ASXL3: variants seen among roughly 807,000 people sequenced by gnomAD.
The protein encoded by ASXL3 is ASXL transcriptional regulator 3.
In ASXL3, 34 loss-of-function variants were observed where a neutral mutation model predicts 170.6. The ratio of observed to expected loss-of-function variants is 0.20; its 90% CI spans 0.15 to 0.27. The LOEUF (loss-of-function observed/expected upper bound fraction) is 0.27. ASXL3 is among the 10% of genes least tolerant of loss of function. The probability of loss-of-function intolerance (pLI) is 1.00; values close to 1 mark genes in which losing one functional copy is unlikely to be tolerated. For synonymous variants in ASXL3, 1,002 were observed against 989.1 expected, an observed-to-expected ratio of 1.01 and a Z score of -0.24; for missense variants, 2,592 against 2,695.3, an observed-to-expected ratio of 0.96 and a Z score of 0.85.
In ASXL3 at chr18:33,750,172, A is replaced by G. The variant is rs2067862420; in HGVS notation, c.*3577A>G. 1.3e-5 allele frequency: 2 copies of G among 152,216 alleles called. No individual in the cohort carries two copies. Among genetic ancestry groups the G allele is most frequent in the Non-Finnish European group, 1.5e-5 (1 of 68,040 alleles). 9.4% of individuals were successfully genotyped at this position (152,216 alleles called of 1,614,324 possible). On this transcript the variant is annotated 3_prime_UTR_variant, in exon 12 of 12. Coordinates refer to ENST00000269197, the MANE Select transcript of ASXL3 (RefSeq NM_030632.3). ...TGTCCATCTGCGTTCCCAGAGAACA[A>G]TTGTGAAGAGTCCTAGAACAGGAAC... is the stretch of plus-strand genomic sequence containing the variant.
intron 2 of ASXL3, among the ~76,000 whole-genome samples, chr18:33,621,626 G>A (rs1352394262): frequency 6.6e-6 from 1 of 152,154 alleles, no homozygotes; most frequent in Non-Finnish European, 1.5e-5. Context: ...AAAGAACAAG[G>A]AAGGGACTGT....
intron 1 of ASXL3, among the ~76,000 whole-genome samples, chr18:33,607,314 A>G (rs533238224): frequency 6.6e-6 from 1 of 152,052 alleles, no homozygotes; most frequent in African/African-American, 2.4e-5. Flanking sequence ...AATTATATAC[A>G]TTTGTTAACT....
rs1317598262 is a variant in ASXL3, at chr18:33,748,771, G to GTGTC, written c.*2177_*2180dup. ...TCCAAATTCATTCACTGCTATACCAGTGTCAGATACTGTCTACACCAGCAA... is the reference window on the plus strand; with the variant it reads ...TCCAAATTCATTCACTGCTATACCAGTGTCTGTCAGATACTGTCTACACCAGCAA... On this transcript the variant is annotated 3_prime_UTR_variant, in exon 12 of 12. Coordinates refer to ENST00000269197, the MANE Select transcript of ASXL3 (RefSeq NM_030632.3). The GTGTC allele has an allele frequency of 6.6e-6, 1 of 152,182 alleles. No individual in the cohort carries two copies. Among genetic ancestry groups the GTGTC allele is most frequent in the Admixed American group, 6.5e-5 (1 of 15,278 alleles). The allele number at this position is 152,182 out of a possible 1,614,324, so 9.4% of individuals were successfully genotyped here.
intron 8 of ASXL3, among the ~76,000 whole-genome samples, chr18:33,685,733 G>A (rs933899490): frequency 2.6e-5 from 4 of 152,192 alleles, no homozygotes; most frequent in South Asian, 2.1e-4. Flanking sequence ...GGTAGAAGGT[G>A]AAGTCATGTC....
At chr18:33,627,617 T>C (rs1172399941) in intron 2 of ASXL3, among the ~76,000 whole-genome samples, 2 of 152,134 alleles carry the variant, frequency 1.3e-5, no homozygotes, top group African/African-American at 4.8e-5. Context: ...ATGACATTAA[T>C]AAATATTCTT....
At chr18:33,675,406 G>GTTT (rs141135113) in intron 7 of ASXL3, among the ~76,000 whole-genome samples, 1 of 152,124 alleles carries the variant, frequency 6.6e-6, no homozygotes, top group African/African-American at 2.4e-5. Flanking sequence ...TGGAAATGAG[G>GTTT]TTTTTTACTG....
intron 5 of ASXL3, among the ~76,000 whole-genome samples, 191 bp downstream of exon 5, chr18:33,661,928 A>T (rs1485915911): frequency 6.6e-6 from 1 of 152,092 alleles, no homozygotes; most frequent in Non-Finnish European, 1.5e-5. Flanking sequence ...TTGACTGAGA[A>T]CTTTGATGTA....
intron 8 of ASXL3, among the ~76,000 whole-genome samples, chr18:33,712,964 C>T (rs1424687336): frequency 1.3e-5 from 2 of 152,122 alleles, no homozygotes; most frequent in Non-Finnish European, 2.9e-5. Flanking sequence ...TGCACTCCTT[C>T]TCAGTGGTTG....
At chr18:33,578,716 C>T (rs2064967161) in intron 1 of ASXL3, 31 bp downstream of exon 1, 1 of 1,188,422 alleles carries the variant, frequency 8.4e-7, no homozygotes, top group Non-Finnish European at 1.1e-6. Context: ...GCCGCCCGCG[C>T]CTCCCGCCGG....
At chr18:33,584,994 G>C (rs1308579814) in intron 1 of ASXL3, among the ~76,000 whole-genome samples, 4 of 151,062 alleles carry the variant, frequency 2.6e-5, no homozygotes, top group Admixed American at 6.6e-5. Flanking sequence ...GAATTTAATT[G>C]ATCTGTTACA....
In ASXL3 at chr18:33,578,352, C is replaced by A. The variant is rs2064959980; in HGVS notation, c.-280C>A. ...CCGCCCCCGCCCCTGGCCCGGGCCCCGCTGCTGCCGCCGCCCCCGCCCCCG... is the reference window on the plus strand; with the variant it reads ...CCGCCCCCGCCCCTGGCCCGGGCCCAGCTGCTGCCGCCGCCCCCGCCCCCG... On this transcript the variant is annotated 5_prime_UTR_variant, in exon 1 of 12. Transcript: ENST00000269197. 1 of 132,634 alleles carries A rather than the reference C, an allele frequency of 7.5e-6. No homozygotes were observed. The highest frequency in any genetic ancestry group is 7.3e-5 in the Admixed American group (1 of 13,636). The allele number at this position is 132,634 out of a possible 1,614,324, so 8.2% of individuals were successfully genotyped here.
At chr18:33,685,050 G>A (rs1274340063) in intron 8 of ASXL3, among the ~76,000 whole-genome samples, 1 of 152,136 alleles carries the variant, frequency 6.6e-6, no homozygotes, top group Non-Finnish European at 1.5e-5. Flanking sequence ...AGTCTGAATG[G>A]TGTTCTCCCT....
rs1477436159 is a variant in ASXL3 at position 33,747,285 on chromosome 18, A to G, written c.*690A>G. The G allele has an allele frequency of 2.0e-5, 3 of 152,112 alleles. No individual in the cohort carries two copies. The highest frequency in any genetic ancestry group is 4.1e-4 in the South Asian group (2 of 4,824). 9.4% of individuals were successfully genotyped at this position (152,112 alleles called of 1,614,324 possible). A position where few individuals can be genotyped will look rare whatever the true frequency, so the allele number is the denominator to read the frequency against. ...AAATGTGTCCTACATCTGAAATTGCATGGGACTCATGCCCAGCAATCTGGT... is the reference window on the plus strand; with the variant it reads ...AAATGTGTCCTACATCTGAAATTGCGTGGGACTCATGCCCAGCAATCTGGT... On this transcript the variant is annotated 3_prime_UTR_variant, in exon 12 of 12. Coordinates refer to ENST00000269197, the MANE Select transcript of ASXL3 (RefSeq NM_030632.3).
At chr18:33,619,157 TTCA>T (rs1451396194) in intron 2 of ASXL3, among the ~76,000 whole-genome samples, 1 of 152,120 alleles carries the variant, frequency 6.6e-6, no homozygotes, top group Non-Finnish European at 1.5e-5. Flanking sequence ...TTTGAAAAAG[TTCA>T]TCAAGCTAGA....
At chr18:33,709,975 GC>G in intron 8 of ASXL3, among the ~76,000 whole-genome samples, 1 of 152,286 alleles carries the variant, frequency 6.6e-6, no homozygotes, top group South Asian at 2.1e-4. Context: ...TGACTGATGG[GC>G]CGGGTGCGGT....
At chr18:33,733,797 T>G (rs2067493944) in intron 9 of ASXL3, among the ~76,000 whole-genome samples, 1 of 152,188 alleles carries the variant, frequency 6.6e-6, no homozygotes. Context: ...GTGATTTAAT[T>G]ACTTTATAAA....
intron 8 of ASXL3, among the ~76,000 whole-genome samples, chr18:33,688,464 A>G (rs1051763537): frequency 6.6e-6 from 1 of 152,220 alleles, no homozygotes; most frequent in African/African-American, 2.4e-5. Context: ...AGACAGTAGA[A>G]GATGGAGTTA....
chr18:33,654,828 A>G (rs2066058306), intron 4 of ASXL3, among the ~76,000 whole-genome samples: 1 of 152,020 alleles, frequency 6.6e-6, no homozygotes, highest in African/African-American at 2.4e-5. Context: ...GGTAACTACA[A>G]TATATGCTTT....
intron 1 of ASXL3, among the ~76,000 whole-genome samples, chr18:33,590,698 C>T (rs1020116554): frequency 2.0e-5 from 3 of 152,062 alleles, no homozygotes; most frequent in South Asian, 2.1e-4. Context: ...TACAAAGAAC[C>T]TAAATATCTC....
Sources: gnomAD v4.1 joint callset for allele counts (sites outside exome capture counted in the v4.1 genomes callset) on GRCh38, gnomAD v4.1.1 for gene constraint, MANE v1.5 for transcripts, NCBI Gene and HGNC (gene_info 2026-07-23, HGNC 2026-07-21) for gene names.